TRAPPC8: variants seen among roughly 807,000 people sequenced by gnomAD.
TRAPPC8 encodes the protein general sporulation gene 1 homolog.
Under a neutral mutation model 174.3 loss-of-function variants are expected in TRAPPC8, and 54 were observed. The observed-to-expected ratio is 0.31, with a 90% confidence interval of 0.25 to 0.39. The LOEUF (loss-of-function observed/expected upper bound fraction) is 0.39, where lower values mean the gene tolerates loss of function less well. TRAPPC8 is among the 10% of genes least tolerant of loss of function. The pLI is 1.00. For synonymous variants in TRAPPC8, 630 were observed against 579.9 expected (o/e 1.09, Z -1.24); for missense variants, 1,531 against 1,699.1 (o/e 0.90, Z 1.74).
intron 12 of TRAPPC8, among the ~76,000 whole-genome samples, chr18:31,886,960 G>GACAC (rs144077903): frequency 1.9e-3 from 289 of 150,694 alleles, no homozygotes; most frequent in African/African-American, 6.7e-3. Context: ...CAGCCTGGGT[G>GACAC]ACACACACAC....
intron 2 of TRAPPC8, among the ~76,000 whole-genome samples, chr18:31,919,994 C>G (rs2037315836): frequency 6.6e-6 from 1 of 151,914 alleles, no homozygotes. Flanking sequence ...TGTCACCCAC[C>G]ACGAACACCT....
intron 10 of TRAPPC8, among the ~76,000 whole-genome samples, chr18:31,900,384 A>G (rs11081723): frequency 0.23 from 34,705 of 152,016 alleles, 4,756 homozygotes; most frequent in South Asian, 0.52. Flanking sequence ...TTAGCCAGTA[A>G]TGCACATCTA....
chr18:31,921,772 T>TA (rs1192868097), intron 2 of TRAPPC8, among the ~76,000 whole-genome samples: 3 of 152,212 alleles, frequency 2.0e-5, no homozygotes, highest in Non-Finnish European at 4.4e-5. Flanking sequence ...TTTCATTTAT[T>TA]ACGCTTCGAT....
chr18:31,909,385 C>A (rs894195458), intron 6 of TRAPPC8, among the ~76,000 whole-genome samples: 24 of 151,978 alleles, frequency 1.6e-4, no homozygotes, highest in Admixed American at 1.1e-3. Context: ...CTCTCAAAAT[C>A]ATGTAAATTT....
rs1865114702 is a variant in TRAPPC8, at chr18:31,875,693, T to A, written c.1729-989A>T. Among the ~76,000 whole-genome samples the A allele has an allele frequency of 2.0e-5, 3 of 152,324 alleles. No homozygotes were observed. The South Asian group carries it at 6.2e-4, about 32-fold the overall frequency. On this transcript the variant is annotated intron_variant, in intron 12 of 28. Transcript: ENST00000283351. ...AGATTAATAATATACCAGAATGATA[T>A]ACAAGATGTGTGTTCAAAATGGAAA...
chr18:31,846,915 T>G (rs933130698), intron 25 of TRAPPC8, 98 bp from the exon 26 acceptor site: 24 of 692,946 alleles, frequency 3.5e-5, no homozygotes, highest in Non-Finnish European at 5.5e-5. Context: ...ATATGGCCAA[T>G]ATCTATCAAT....
intron 12 of TRAPPC8, among the ~76,000 whole-genome samples, chr18:31,881,477 T>C (rs1181739552): frequency 6.6e-6 from 1 of 152,022 alleles, no homozygotes. Context: ...CCTATCACCA[T>C]ATGCAAAAAA....
intron 2 of TRAPPC8, among the ~76,000 whole-genome samples, chr18:31,919,592 AATAAT>A: frequency 1.6e-5 from 1 of 61,684 alleles, no homozygotes; most frequent in African/African-American, 4.8e-5. Flanking sequence ...AAATAAATAA[AATAAT>A]AATAATCCTA....
intron 1 of TRAPPC8, among the ~76,000 whole-genome samples, chr18:31,940,181 T>A (rs1441815781): frequency 6.6e-6 from 1 of 152,204 alleles, no homozygotes; most frequent in Non-Finnish European, 1.5e-5. Context: ...AAATACAGTA[T>A]TAAAACTAAT....
At chr18:31,890,120 C>A (rs2035890175) in intron 12 of TRAPPC8, among the ~76,000 whole-genome samples, 1 of 152,136 alleles carries the variant, frequency 6.6e-6, no homozygotes, top group Non-Finnish European at 1.5e-5. Flanking sequence ...GTTGTTTAAT[C>A]CAAGTTTCCA....
At chr18:31,850,912 T>C (rs2033672647) in intron 24 of TRAPPC8, among the ~76,000 whole-genome samples, 1 of 152,076 alleles carries the variant, frequency 6.6e-6, no homozygotes, top group African/African-American at 2.4e-5. Context: ...TTAAAGAAAT[T>C]TAAAAAAAAA....
intron 1 of TRAPPC8, among the ~76,000 whole-genome samples, chr18:31,938,178 T>G (rs2038184719): frequency 6.6e-6 from 1 of 151,748 alleles, no homozygotes; most frequent in African/African-American, 2.4e-5. Flanking sequence ...AAGGCTTAAT[T>G]TTAATTTTTT....
At chr18:31,915,992 G>C (rs1245802575) in intron 4 of TRAPPC8, among the ~76,000 whole-genome samples, 2 of 150,816 alleles carry the variant, frequency 1.3e-5, no homozygotes, top group Admixed American at 6.6e-5. Flanking sequence ...AGGAGGCGGA[G>C]GTTGCAGTGA....
chr18:31,908,095 T>G (rs967686937), intron 8 of TRAPPC8, among the ~76,000 whole-genome samples: 15 of 152,188 alleles, frequency 9.9e-5, no homozygotes, highest in South Asian at 2.1e-4. Context: ...AGACCAAAAG[T>G]GACTTTCCCA....
intron 3 of TRAPPC8, among the ~76,000 whole-genome samples, chr18:31,917,271 TTC>T (rs2045056621): frequency 6.6e-6 from 1 of 152,094 alleles, no homozygotes; most frequent in Admixed American, 6.6e-5. Flanking sequence ...TGTTTAGATT[TTC>T]TTTCTAAAAT....
chr18:31,905,891 T>C (rs1260912055), intron 9 of TRAPPC8, among the ~76,000 whole-genome samples: 1 of 152,204 alleles, frequency 6.6e-6, no homozygotes, highest in East Asian at 1.9e-4. Context: ...AATAAAAATT[T>C]CTCATTACAA....
rs534121601 is a variant in TRAPPC8 at position 31,866,501 on chromosome 18, C to CA, written c.2590+347dup. Among the ~76,000 whole-genome samples, 248 of 142,276 alleles carry CA rather than the reference C, an allele frequency of 1.7e-3. 1 individual carries two copies. Among genetic ancestry groups the CA allele is most frequent in the African/African-American group, 3.0e-3 (115 of 38,790 alleles). The allele number at this position is 142,276 out of a possible 152,430, so 93.3% of individuals were successfully genotyped here. On this transcript the variant is annotated intron_variant, in intron 18 of 28. Transcript: ENST00000283351. ...CCATGTTTTATAAAAAGGAAATATTCAAAAAAAAAAGAACATATTAAGATG... is the reference window on the plus strand; with the variant it reads ...CCATGTTTTATAAAAAGGAAATATTCAAAAAAAAAAAGAACATATTAAGATG...
intron 12 of TRAPPC8, among the ~76,000 whole-genome samples, chr18:31,878,331 T>C (rs1330392955): frequency 6.6e-6 from 1 of 152,084 alleles, no homozygotes; most frequent in East Asian, 1.9e-4. Flanking sequence ...TTGGGGCCTG[T>C]TTTTACCCTT....
In TRAPPC8 at chr18:31,855,790, T is replaced by G; in HGVS notation, c.3206A>C (p.His1069Pro). ...QPKIRHRILR[H>P]TAIICTSRSL... The stretch of plus-strand genomic sequence containing the variant: ...CCGACTGGTACAAATAATTGCAGTG[T>G]GTCTTAATATTCTGTGCCTGAAGTT... Residue 1069 changes from histidine (H) to proline (P), a missense_variant, in exon 21 of 29, where the codon CAC (histidine) becomes CCC (proline). By Grantham distance (77) the His-to-Pro change is moderately conservative (BLOSUM62 -2). Transcript: ENST00000283351. The G allele has an allele frequency of 6.3e-7, 1 of 1,595,228 alleles. No homozygotes were observed. The highest frequency in any genetic ancestry group is 8.5e-7 in the Non-Finnish European group (1 of 1,175,720).
Sources: allele counts gnomAD v4.1 joint callset (sites outside exome capture counted in the v4.1 genomes callset), GRCh38; gene constraint gnomAD v4.1.1; transcripts MANE v1.5; gene names NCBI Gene and HGNC (gene_info 2026-07-23, HGNC 2026-07-21).